PLEC: variants seen among roughly 807,000 people sequenced by gnomAD.
PLEC encodes plectin.
A neutral mutation model predicts 392.8 loss-of-function variants in PLEC; 216 were observed. That is an observed-to-expected ratio of 0.55 (90% CI 0.49 to 0.62). The LOEUF (loss-of-function observed/expected upper bound fraction) is 0.62. Among genes scored for constraint, PLEC ranks in the 20% least tolerant of loss-of-function variants. The pLI is 0.00. For synonymous variants in PLEC, 3,621 were observed against 2,980.6 expected (o/e 1.21, Z -7.00); for missense variants, 6,863 against 6,563.4 (o/e 1.05, Z -1.58).
chr8:143,932,527 C>A lies in PLEC; in HGVS notation c.1850G>T (p.Ser617Ile). The change falls in exon 16 of 32, where the codon AGC becomes ATC. Residue 617 changes from serine to isoleucine, a missense_variant. Ser to Ile is a moderately radical substitution (Grantham distance 142). Transcript: ENST00000345136. The part of the protein sequence containing the change: ...SSKARLRSLE[S>I]LHSFVAAATK... ...GGCGGCTGCCACAAAGCTGTGCAAG[C>A]TCTCCAGGGACCTGAGGCGGGCCTT... is the stretch of plus-strand genomic sequence containing the variant. 1 of 1,612,642 alleles carries A rather than the reference C, an allele frequency of 6.2e-7. No individual in the cohort carries two copies. The highest frequency in any genetic ancestry group is 8.5e-7 in the Non-Finnish European group (1 of 1,179,956).
At chr8:143,950,509 G>C (rs1587360390) in exon 1 of PLEC, 1 of 1,608,466 alleles carries the variant, frequency 6.2e-7, no homozygotes, top group Non-Finnish European at 8.5e-7. Flanking sequence ...AGTGGCACCA[G>C]GCAAAGGTCT....
chr8:143,918,227 C>G lies in PLEC; in HGVS notation c.11594G>C (p.Arg3865Pro). 6.3e-7 allele frequency: 1 copy of G among 1,581,144 alleles called. No individual in the cohort carries two copies. The highest frequency in any genetic ancestry group is 8.5e-7 in the Non-Finnish European group (1 of 1,171,150). Reference sequence around the variant, plus strand: ...CAGCTGGCCGGTGCCGTCGTCACGACGGCACCGCCTGAGCAGCTGCGTGTA... The same window carrying G: ...CAGCTGGCCGGTGCCGTCGTCACGAGGGCACCGCCTGAGCAGCTGCGTGTA... ...LSYTQLLRRCRRDDGTGQLLL... is the reference protein window; with the variant it reads ...LSYTQLLRRCPRDDGTGQLLL... The change falls in exon 32 of 32, where the codon CGT becomes CCT. Residue 3865 changes from arginine to proline, a missense_variant. Transcript: ENST00000345136.
Position 143,936,027 on chromosome 8 carries a change from G to A in PLEC, c.436-13C>T, listed in dbSNP as rs1411249009. On this transcript the variant is annotated splice_polypyrimidine_tract_variant and intron_variant, in intron 5 of 31. Transcript: ENST00000345136. ...GGATATCTGAGATCTGCTCACAGCA[G>A]AGAGGAGGCCACAGCTCAGCCACAG... 2 of 1,610,440 alleles carry A rather than the reference G, an allele frequency of 1.2e-6. No individual in the cohort carries two copies. Among genetic ancestry groups the A allele is most frequent in the African/African-American group, 1.3e-5 (1 of 74,914 alleles).
At chr8:143,925,965 G>A in intron 30 of PLEC, 81 bp from the exon 31 acceptor site, 4 of 1,421,074 alleles carry the variant, frequency 2.8e-6, no homozygotes, top group Non-Finnish European at 2.9e-6. Flanking sequence ...CACCGGCACA[G>A]TTCACTCAGA....
At chr8:143,970,694 C>G (rs1445326896) in intron 1 of PLEC, among the ~76,000 whole-genome samples, 1 of 152,118 alleles carries the variant, frequency 6.6e-6, no homozygotes, top group Non-Finnish European at 1.5e-5. Flanking sequence ...ATGGACTGGC[C>G]GCCTCACCTC....
At chr8:143,953,913 T>C (rs943748906), upstream of PLEC, 10 of 1,459,428 alleles carry the variant, frequency 6.9e-6, no homozygotes, top group Non-Finnish European at 9.0e-6. Context: ...GGGCTTCAGC[T>C]GATCAATGCG....
chr8:143,939,392 T>A lies in PLEC; in HGVS notation c.70A>T (p.Asn24Tyr). Residue 24 changes from asparagine (N) to tyrosine (Y), a missense_variant, in exon 1 of 32, where the codon AAC (asparagine) becomes TAC (tyrosine). Asn to Tyr is a moderately radical substitution (Grantham distance 143). Transcript: ENST00000345136. ...GCCCTGAGCACAGCCAGGTACAGGT[T>A]GTCCTCCGAGCTGGTTCTCTTTCGG... ...LGRKRTSSEDNLYLAVLRASE... is the reference protein window; with the variant it reads ...LGRKRTSSEDYLYLAVLRASE... 1 of 1,612,774 alleles carries A rather than the reference T, an allele frequency of 6.2e-7. No homozygotes were observed. Among genetic ancestry groups the A allele is most frequent in the Non-Finnish European group, 8.5e-7 (1 of 1,179,786 alleles).
Position 143,923,803 on chromosome 8 carries a change from G to A in PLEC, c.6126C>T (p.Ala2042=), listed in dbSNP as rs782420032. ...CTTCCGCCTGCAGCCGCTTCTGGGCGGCCTCCTGGGCCAGCTGCAGCTGCC... is the reference window on the plus strand; with the variant it reads ...CTTCCGCCTGCAGCCGCTTCTGGGCAGCCTCCTGGGCCAGCTGCAGCTGCC... ...SARQLQLAQE[A]AQKRLQAEEK... is the part of the protein sequence containing the mutation. The change falls in exon 31 of 32, where the codon GCC becomes GCT. Residue 2042 remains alanine (A), a synonymous_variant. Transcript: ENST00000345136. 64 of 1,579,550 alleles carry A rather than the reference G, an allele frequency of 4.1e-5. No homozygotes were observed. The highest frequency in any genetic ancestry group is 1.4e-4 in the East Asian group (6 of 43,520).
At position 143,973,416 on chromosome 8, in the gene PLEC, G is replaced by C; in HGVS notation, c.57C>G (p.Arg19=). Reference sequence around the variant, plus strand: ...GGGGGGCCGTACCTTTGTACTTCTCGCGCACCTCCTCGTAGGCCTGGATGA... The same window carrying C: ...GGGGGGCCGTACCTTTGTACTTCTCCCGCACCTCCTCGTAGGCCTGGATGA... The change falls in exon 1 of 32, where the codon CGC becomes CGG. Residue 19 remains arginine (R), a synonymous_variant. Coordinates refer to the PLEC transcript ENST00000356346. This position sits in a 1 kb window ranked among gnomAD's most constrained non-coding sequence, Gnocchi z 5.6. 1 of 1,555,122 alleles carries C rather than the reference G, an allele frequency of 6.4e-7. No homozygotes were observed.
Position 143,921,023 on chromosome 8 carries a change from A to C in PLEC, c.8798T>G (p.Phe2933Cys), listed in dbSNP as rs1233202437. 4 of 1,612,926 alleles carry C rather than the reference A, an allele frequency of 2.5e-6. No homozygotes were observed. In the African/African-American group the frequency reaches 5.3e-5, roughly 22 times the overall value. ...TIWEIINSEY[F>C]TAEQRRDLLR... ...CAGGTCCCGCCGCTGCTCTGCCGTG[A>C]AGTATTCCGAGTTGATGATCTCCCA... Residue 2933 changes from phenylalanine to cysteine, a missense_variant, in exon 32 of 32, where the codon TTC becomes TGC. Phe to Cys is a radical substitution (Grantham distance 205). Transcript: ENST00000345136.
In PLEC at chr8:143,920,361, G is replaced by A. The variant is rs782077113; in HGVS notation, c.9460C>T (p.Leu3154=). The change falls in exon 32 of 32, where the codon CTG becomes TTG. Residue 3154 remains leucine, a synonymous_variant. Transcript: ENST00000345136. The part of the protein sequence containing the change: ...VDPSKSHRVP[L]DVACARGCLD... ...CAGCCTCGGGCGCAGGCGACATCCA[G>A]GGGCACGCGGTGGCTCTTGCTGGGG... 5.0e-6 allele frequency: 8 copies of A among 1,593,916 alleles called. No individual in the cohort carries two copies. In the African/African-American group the frequency reaches 9.4e-5, roughly 19 times the overall value.
chr8:143,930,317 G>A lies in PLEC; in HGVS notation c.2458-19C>T, dbSNP rs782491975. Reference sequence around the variant, plus strand: ...CAGTCACCTGGGACGGGCAGAGTCGGTGAGGACATGGCCACACCCTGCCCT... The same window carrying A: ...CAGTCACCTGGGACGGGCAGAGTCGATGAGGACATGGCCACACCCTGCCCT... On this transcript the variant is annotated intron_variant, in intron 20 of 31. Coordinates refer to ENST00000345136, the MANE Select transcript of PLEC (RefSeq NM_201384.3). The A allele has an allele frequency of 6.3e-7, 1 of 1,597,370 alleles. No individual in the cohort carries two copies. Among genetic ancestry groups the A allele is most frequent in the Non-Finnish European group, 8.5e-7 (1 of 1,176,640 alleles).
chr8:143,939,240 C>T lies in PLEC; in HGVS notation c.112+110G>A. The T allele has an allele frequency of 2.1e-6, 3 of 1,451,934 alleles. No homozygotes were observed. In the Admixed American group the frequency reaches 6.0e-5, roughly 29 times the overall value. 89.9% of individuals were successfully genotyped at this position (1,451,934 alleles called of 1,614,324 possible). ...GATGGCTGGCCCCCGACCCCCATCTCCAAGACCAGCCCCCCAGCGGTGCCA... is the reference window on the plus strand; with the variant it reads ...GATGGCTGGCCCCCGACCCCCATCTTCAAGACCAGCCCCCCAGCGGTGCCA... On this transcript the variant is annotated intron_variant, in intron 1 of 31. Transcript: ENST00000345136.
At position 143,925,178 on chromosome 8, in the gene PLEC, G is replaced by A. The variant is rs1554701064; in HGVS notation, c.4751C>T (p.Ser1584Phe). 2 of 1,572,194 alleles carry A rather than the reference G, an allele frequency of 1.3e-6. No homozygotes were observed. Among genetic ancestry groups the A allele is most frequent in the East Asian group, 2.3e-5 (1 of 43,032 alleles). Residue 1584 changes from serine (S) to phenylalanine (F), a missense_variant, in exon 31 of 32, where the codon TCC (serine) becomes TTC (phenylalanine). By Grantham distance (155) the Ser-to-Phe change is radical. Coordinates refer to ENST00000345136, the MANE Select transcript of PLEC (RefSeq NM_201384.3). The part of the protein sequence containing the change: ...AEAELQSKRA[S>F]FAEKTAQLER... ...CAGCTGTGCCGTCTTCTCGGCGAAG[G>A]AGGCGCGTTTGCTCTGCAGCTCCGC...
chr8:143,929,260 C>T lies in PLEC; in HGVS notation c.3103G>A (p.Gly1035Arg), dbSNP rs782013905. 1 of 1,601,568 alleles carries T rather than the reference C, an allele frequency of 6.2e-7. No homozygotes were observed. Among genetic ancestry groups the T allele is most frequent in the Non-Finnish European group, 8.5e-7 (1 of 1,179,568 alleles). Residue 1035 changes from glycine to arginine, a missense_variant, in exon 25 of 32, where the codon GGG becomes AGG. Gly to Arg is a moderately radical substitution (Grantham distance 125). Coordinates refer to ENST00000345136, the MANE Select transcript of PLEC (RefSeq NM_201384.3). The part of the protein sequence containing the change: ...EQQKAQAEVE[G>R]LGKGVARLSA... ...AGCCGGGCGACCCCCTTGCCCAGCC[C>T]CTCCACCTCTGCCTGTGCCTTCTGC... is the stretch of plus-strand genomic sequence containing the variant.
chr8:143,926,809 G>A lies in PLEC; in HGVS notation c.4019C>T (p.Thr1340Ile), dbSNP rs144371714. 2.1e-5 allele frequency: 34 copies of A among 1,613,838 alleles called. No homozygotes were observed. The highest frequency in any genetic ancestry group is 2.5e-5 in the Non-Finnish European group (30 of 1,179,930). Residue 1340 changes from threonine (T) to isoleucine (I), a missense_variant, in exon 30 of 32, where the codon ACT becomes ATT. Transcript: ENST00000345136. ...TSQYIKFISE[T>I]LRRMEEEERL... is the part of the protein sequence containing the mutation. The stretch of plus-strand genomic sequence containing the variant: ...CTCCTCCTCCTCCATGCGCCGCAGA[G>A]TCTCGCTGATGAACTTGATGTACTG...
Position 143,919,210 on chromosome 8 carries a change from G to A in PLEC, c.10611C>T (p.Gly3537=), listed in dbSNP as rs1554677453. ...LERCVEDPET[G]LRLLPLKGAE... ...CCCCTTTCAGTGGCAGAAGGCGCAAGCCCGTCTCGGGGTCCTCCACGCACC... is the reference window on the plus strand; with the variant it reads ...CCCCTTTCAGTGGCAGAAGGCGCAAACCCGTCTCGGGGTCCTCCACGCACC... The change falls in exon 32 of 32, where the codon GGC becomes GGT. Residue 3537 remains glycine, a synonymous_variant. Coordinates refer to ENST00000345136, the MANE Select transcript of PLEC (RefSeq NM_201384.3). 2.5e-6 allele frequency: 4 copies of A among 1,613,796 alleles called. No individual in the cohort carries two copies. The highest frequency in any genetic ancestry group is 3.4e-6 in the Non-Finnish European group (4 of 1,180,038).
Position 143,923,698 on chromosome 8 carries a change from G to A in PLEC, c.6231C>T (p.Asp2077=), listed in dbSNP as rs1554693800. 2.6e-6 allele frequency: 4 copies of A among 1,545,644 alleles called. No homozygotes were observed. The South Asian group carries it at 3.5e-5, about 14-fold the overall frequency. Reference sequence around the variant, plus strand: ...CCGCCTCCGCCTCGCCGCGCAGCTGGTCCAGCACGCTCTGCTCCTGCTGCA... The same window carrying A: ...CCGCCTCCGCCTCGCCGCGCAGCTGATCCAGCACGCTCTGCTCCTGCTGCA... The part of the protein sequence containing the change: ...QTLQQEQSVL[D]QLRGEAEAAR... Residue 2077 remains aspartate, a synonymous_variant, in exon 31 of 32, where the codon GAC becomes GAT. Transcript: ENST00000345136.
At position 143,919,172 on chromosome 8, in the gene PLEC, T is replaced by A. The variant is rs1821633969; in HGVS notation, c.10649A>T (p.Glu3550Val). 1 of 1,613,682 alleles carries A rather than the reference T, an allele frequency of 6.2e-7. No individual in the cohort carries two copies. The highest frequency in any genetic ancestry group is 1.1e-5 in the South Asian group (1 of 91,080). Residue 3550 changes from glutamate to valine, a missense_variant, in exon 32 of 32, where the codon GAG becomes GTG. Coordinates refer to ENST00000345136, the MANE Select transcript of PLEC (RefSeq NM_201384.3). ...LLPLKGAEKAEVVETTQVYTE... is the reference protein window; with the variant it reads ...LLPLKGAEKAVVVETTQVYTE... Reference sequence around the variant, plus strand: ...GTACACCTGCGTGGTCTCCACCACCTCAGCCTTCTCCGCCCCTTTCAGTGG... The same window carrying A: ...GTACACCTGCGTGGTCTCCACCACCACAGCCTTCTCCGCCCCTTTCAGTGG...
Sources: gnomAD v4.1 joint callset for allele counts (sites outside exome capture counted in the v4.1 genomes callset) on GRCh38, gnomAD v4.1.1 for gene constraint, Gnocchi (gnomAD v3.1) non-coding constraint, MANE v1.5 for transcripts, NCBI Gene and HGNC (gene_info 2026-07-23, HGNC 2026-07-21) for gene names.